Variants in GALNTL6 observed in about 807,000 individuals in gnomAD.
GALNTL6 encodes polypeptide N-acetylgalactosaminyltransferase like 6.
A neutral mutation model predicts 73.7 loss-of-function variants in GALNTL6; 46 were observed. That is an observed-to-expected ratio of 0.62 (90% confidence interval 0.49 to 0.80). GALNTL6 has a LOEUF of 0.80. Ranked by LOEUF, GALNTL6 falls within the 30% of genes least tolerant of loss-of-function variation. GALNTL6 has a pLI of 0.00. For synonymous variants in GALNTL6, 259 were observed against 263.7 expected (o/e 0.98, Z 0.17); for missense variants, 604 against 755.0 (o/e 0.80, Z 2.34).
chr4:171,956,806 T>G (rs1176459277), intron 2 of GALNTL6, among the ~76,000 whole-genome samples: 1 of 152,238 alleles, frequency 6.6e-6, no homozygotes, highest in Non-Finnish European at 1.5e-5. Flanking sequence ...CTCCTATTCC[T>G]TTGCGTGACT....
intron 2 of GALNTL6, among the ~76,000 whole-genome samples, chr4:171,918,718 G>A (rs564686841): frequency 6.6e-6 from 1 of 152,124 alleles, no homozygotes; most frequent in South Asian, 2.1e-4. Context: ...AGCAGTATTC[G>A]CAACAGCCGA....
chr4:172,962,299 T>C (rs1182349546), intron 10 of GALNTL6, among the ~76,000 whole-genome samples: 1 of 152,228 alleles, frequency 6.6e-6, no homozygotes, highest in Non-Finnish European at 1.5e-5. Flanking sequence ...TAGCTTTGGC[T>C]CAGAGGCCTG....
At chr4:173,020,385 G>A (rs1229570007) in intron 11 of GALNTL6, among the ~76,000 whole-genome samples, 1 of 152,210 alleles carries the variant, frequency 6.6e-6, no homozygotes, top group Non-Finnish European at 1.5e-5. Context: ...AATAGAATTG[G>A]AGAGGCTGGA....
intron 4 of GALNTL6, among the ~76,000 whole-genome samples, chr4:172,327,376 G>C (rs1295453945): frequency 6.6e-6 from 1 of 151,996 alleles, no homozygotes; most frequent in Non-Finnish European, 1.5e-5. Context: ...ATATTTTGTT[G>C]TTTGGGGTGG....
chr4:172,787,952 TATA>T (rs1299863472), intron 5 of GALNTL6, among the ~76,000 whole-genome samples: 4 of 152,162 alleles, frequency 2.6e-5, no homozygotes, highest in South Asian at 2.1e-4. Context: ...CAATAGAAAG[TATA>T]ATATTTTGTT....
At chr4:172,565,278 T>G (rs2110935228) in intron 5 of GALNTL6, among the ~76,000 whole-genome samples, 1 of 152,360 alleles carries the variant, frequency 6.6e-6, no homozygotes, top group East Asian at 1.9e-4. Flanking sequence ...TGTCTTTTTT[T>G]GGATAGTTTG....
intron 5 of GALNTL6, among the ~76,000 whole-genome samples, chr4:172,385,979 C>T (rs1448047905): frequency 6.6e-6 from 1 of 151,866 alleles, no homozygotes; most frequent in Non-Finnish European, 1.5e-5. Context: ...CAATCTAGTT[C>T]ACGTTAATGT....
chr4:172,047,907 A>G (rs1204824206), intron 2 of GALNTL6, among the ~76,000 whole-genome samples: 1 of 152,178 alleles, frequency 6.6e-6, no homozygotes, highest in Non-Finnish European at 1.5e-5. Context: ...ATGAAGCAAG[A>G]ATGAGTAAAA....
In GALNTL6 at chr4:172,983,553, G is replaced by A. The variant is rs180750252; in HGVS notation, c.1372-25625G>A. Among the ~76,000 whole-genome samples, 126 of 152,214 alleles carry A rather than the reference G, an allele frequency of 8.3e-4. 1 individual carries two copies. Among genetic ancestry groups the A allele is most frequent in the East Asian group, 8.1e-3 (42 of 5,174 alleles). Reference sequence around the variant, plus strand: ...CTACAAATAATACAAAAAGTAGCCGGGCGTGGTGGCACATGCCTGTAATAC... The same window carrying A: ...CTACAAATAATACAAAAAGTAGCCGAGCGTGGTGGCACATGCCTGTAATAC... On this transcript the variant is annotated intron_variant, in intron 10 of 12. Coordinates refer to ENST00000506823, the MANE Select transcript of GALNTL6 (RefSeq NM_001034845.3).
chr4:172,797,674 G>T (rs796412062), intron 5 of GALNTL6, among the ~76,000 whole-genome samples: 16 of 152,136 alleles, frequency 1.1e-4, no homozygotes, highest in African/African-American at 3.9e-4. Flanking sequence ...GTGTAGCTGG[G>T]ACTACAGGCA....
chr4:172,498,608 A>T (rs1734152655), intron 5 of GALNTL6, among the ~76,000 whole-genome samples: 1 of 152,194 alleles, frequency 6.6e-6, no homozygotes, highest in Admixed American at 6.5e-5. Flanking sequence ...TACGAGTTTT[A>T]AATCTCCTAA....
At chr4:171,870,559 T>C (rs1736109194) in intron 2 of GALNTL6, among the ~76,000 whole-genome samples, 1 of 150,570 alleles carries the variant, frequency 6.6e-6, no homozygotes, top group African/African-American at 2.5e-5. Context: ...ATTTTTTTTT[T>C]GGTCATTGGT....
At chr4:171,854,985 C>A (rs1377484275) in intron 2 of GALNTL6, among the ~76,000 whole-genome samples, 1 of 151,990 alleles carries the variant, frequency 6.6e-6, no homozygotes, top group Non-Finnish European at 1.5e-5. Flanking sequence ...TCTGCCCCCA[C>A]CTCCTCCTGC....
intron 10 of GALNTL6, among the ~76,000 whole-genome samples, chr4:172,968,554 C>G (rs1750436184): frequency 6.6e-6 from 1 of 152,196 alleles, no homozygotes; most frequent in Non-Finnish European, 1.5e-5. Flanking sequence ...TGAATTCAAT[C>G]TAAAATATAA....
intron 12 of GALNTL6, among the ~76,000 whole-genome samples, chr4:173,037,282 C>T (rs1753735363): frequency 6.6e-6 from 1 of 152,306 alleles, no homozygotes; most frequent in Non-Finnish European, 1.5e-5. Flanking sequence ...GAATAAAATG[C>T]TCATTCAATT....
intron 5 of GALNTL6, among the ~76,000 whole-genome samples, chr4:172,497,645 T>C (rs1465629290): frequency 1.3e-5 from 2 of 152,238 alleles, no homozygotes; most frequent in Non-Finnish European, 2.9e-5. Context: ...GTCTATGAAA[T>C]AGTTATGTAA....
At chr4:172,959,620 G>C (rs185246633) in intron 10 of GALNTL6, among the ~76,000 whole-genome samples, 1 of 152,058 alleles carries the variant, frequency 6.6e-6, no homozygotes, top group East Asian at 1.9e-4. Flanking sequence ...AGGCAATCAG[G>C]CAGCGTCAGT....
chr4:172,195,150 A>G (rs1056180043), intron 2 of GALNTL6, among the ~76,000 whole-genome samples: 1 of 152,176 alleles, frequency 6.6e-6, no homozygotes, highest in South Asian at 2.1e-4. Flanking sequence ...TGCAATCCTA[A>G]TTACTGACAA....
At chr4:172,153,600 A>C (rs1243761226) in intron 2 of GALNTL6, among the ~76,000 whole-genome samples, 1 of 152,236 alleles carries the variant, frequency 6.6e-6, no homozygotes, top group East Asian at 1.9e-4. Flanking sequence ...GATCTAATTT[A>C]GAATGATGTG....
Sources: allele counts gnomAD v4.1 joint callset (sites outside exome capture counted in the v4.1 genomes callset), GRCh38; gene constraint gnomAD v4.1.1; transcripts MANE v1.5; gene names NCBI Gene and HGNC (gene_info 2026-07-23, HGNC 2026-07-21).